Variants in EEF1AKMT1 observed in about 807,000 individuals in gnomAD.
EEF1AKMT1 encodes the protein EEF1A lysine methyltransferase 1.
EEF1AKMT1 carries 18 observed loss-of-function variants against 21.0 expected under a neutral mutation model. The observed-to-expected ratio is 0.86, with a 90% CI of 0.59 to 1.27. The LOEUF (loss-of-function observed/expected upper bound fraction) is 1.27. Among genes scored for constraint, EEF1AKMT1 ranks in the 50% most tolerant of loss-of-function variants. The pLI, the probability that EEF1AKMT1 is intolerant of heterozygous loss-of-function variation, is 0.00. For synonymous variants in EEF1AKMT1, 109 were observed against 94.8 expected, an observed-to-expected ratio of 1.15 and a Z score of -0.87; for missense variants, 246 against 258.6, an observed-to-expected ratio of 0.95 and a Z score of 0.33.
chr13:20,733,790 T>C (rs576991127), intron 3 of EEF1AKMT1, among the ~76,000 whole-genome samples: 404 of 152,256 alleles, frequency 2.7e-3, no homozygotes, highest in Non-Finnish European at 4.5e-3. Flanking sequence ...TTTGTCACGT[T>C]TGGATTTTTA....
At chr13:20,740,634 T>G (rs1364109815) in intron 2 of EEF1AKMT1, among the ~76,000 whole-genome samples, 1 of 152,164 alleles carries the variant, frequency 6.6e-6, no homozygotes, top group Non-Finnish European at 1.5e-5. Flanking sequence ...AGACCCTGCT[T>G]CTACTAAAAA....
intron 4 of EEF1AKMT1, among the ~76,000 whole-genome samples, chr13:20,731,311 T>C (rs1031018573): frequency 1.3e-5 from 2 of 152,190 alleles, no homozygotes; most frequent in African/African-American, 4.8e-5. Flanking sequence ...CTGCCTTAAG[T>C]GTATCAAACC....
chr13:20,736,733 CTTTTTTTTTTT>C (rs71087090), intron 3 of EEF1AKMT1, among the ~76,000 whole-genome samples: 1 of 87,070 alleles, frequency 1.1e-5, no homozygotes, highest in Admixed American at 1.6e-4. Context: ...AACCATTTGA[CTTTTTTTTTTT>C]TTTTTTTTTT....
chr13:20,771,209 C>T (rs1036453861), intron 1 of EEF1AKMT1, among the ~76,000 whole-genome samples: 5 of 152,128 alleles, frequency 3.3e-5, no homozygotes, highest in Admixed American at 6.5e-5. Context: ...AGCTGCGTCA[C>T]TGAAGAAGGG....
At chr13:20,757,364 G>T in intron 2 of EEF1AKMT1, 91 bp downstream of exon 2, 1 of 1,450,004 alleles carries the variant, frequency 6.9e-7, no homozygotes, top group South Asian at 1.3e-5. Flanking sequence ...CAGAGATTCC[G>T]GTTTTAGGTG....
At chr13:20,756,986 C>T (rs1396412450) in intron 2 of EEF1AKMT1, among the ~76,000 whole-genome samples, 3 of 152,112 alleles carry the variant, frequency 2.0e-5, no homozygotes, top group African/African-American at 7.2e-5. Flanking sequence ...ACATTCTTCC[C>T]CACCCTCTTC....
Position 20,731,897 on chromosome 13 carries a change from C to T in EEF1AKMT1, c.452G>A (p.Arg151Lys). 3 of 1,614,214 alleles carry T rather than the reference C, an allele frequency of 1.9e-6. No individual in the cohort carries two copies. The highest frequency in any genetic ancestry group is 1.7e-6 in the Non-Finnish European group (2 of 1,180,042). ...DPPYLSEECL[R>K]KTSETVKYLT... is the part of the protein sequence containing the mutation. ...GTACTTGACGGTTTCCGATGTTTTT[C>T]TGAGACATTCCTCCGAAAGATAGGG... is the stretch of plus-strand genomic sequence containing the variant. The change falls in exon 4 of 5, where the codon AGA (arginine) becomes AAA (lysine). Residue 151 changes from arginine to lysine, a missense_variant. Arg to Lys is a conservative substitution (Grantham distance 26). Coordinates refer to ENST00000382758, the MANE Select transcript of EEF1AKMT1 (RefSeq NM_001318939.2).
intron 2 of EEF1AKMT1, chr13:20,757,151 C>T (rs1382053551): frequency 1.9e-5 from 4 of 208,348 alleles, no homozygotes; most frequent in South Asian, 1.5e-4. Flanking sequence ...TGAGGGTCCC[C>T]GGCTTGCAAA....
chr13:20,731,916 G>C lies in EEF1AKMT1; in HGVS notation c.433C>G (p.Leu145Val), dbSNP rs1321619595. Residue 145 changes from leucine (L) to valine (V), a missense_variant, in exon 4 of 5, where the codon CTT (leucine) becomes GTT (valine). Leu to Val is a conservative substitution (Grantham distance 32, BLOSUM62 1). Coordinates refer to ENST00000382758, the MANE Select transcript of EEF1AKMT1 (RefSeq NM_001318939.2). ...FDIVIADPPY[L>V]SEECLRKTSE... is the part of the protein sequence containing the mutation. ...GTTTTTCTGAGACATTCCTCCGAAA[G>C]ATAGGGAGGATCTGCTATTACGATG... 1.9e-6 allele frequency: 3 copies of C among 1,614,200 alleles called. No individual in the cohort carries two copies. The highest frequency in any genetic ancestry group is 1.7e-6 in the Non-Finnish European group (2 of 1,180,010).
intron 3 of EEF1AKMT1, among the ~76,000 whole-genome samples, chr13:20,735,640 C>T (rs1246162521): frequency 1.3e-5 from 2 of 152,166 alleles, no homozygotes; most frequent in African/African-American, 2.4e-5. Flanking sequence ...CTGTAGAGAT[C>T]AAAGCAGATG....
chr13:20,739,395 C>A (rs556294741), intron 2 of EEF1AKMT1, among the ~76,000 whole-genome samples: 11 of 152,190 alleles, frequency 7.2e-5, no homozygotes, highest in Non-Finnish European at 1.5e-4. Context: ...CCTTATCTGA[C>A]CCCACCCACA....
rs1555326495 is a variant in EEF1AKMT1, at chr13:20,748,715, G to GGTTTTTTTTTTT, written c.144+8739_144+8740insAAAAAAAAAAAC. 4.8e-4 allele frequency among the ~76,000 whole-genome samples: 51 copies of GGTTTTTTTTTTT among 105,824 alleles called. 2 individuals carry two copies. The highest frequency in any genetic ancestry group is 1.2e-3 in the African/African-American group (33 of 27,170). 69.4% of individuals were successfully genotyped at this position (105,824 alleles called of 152,430 possible). A position where few individuals can be genotyped will look rare whatever the true frequency, so the allele number is the denominator to read the frequency against. Reference sequence around the variant, plus strand: ...TTCTTCACCCTCCTAATGTATAGTTGTTTTTTTTTGGTTTTTTTTTTTTTT... The same window carrying GGTTTTTTTTTTT: ...TTCTTCACCCTCCTAATGTATAGTTGGTTTTTTTTTTTTTTTTTTTTGGTTTTTTTTTTTTTT... On this transcript the variant is annotated intron_variant, in intron 2 of 4. Coordinates refer to ENST00000382758, the MANE Select transcript of EEF1AKMT1 (RefSeq NM_001318939.2).
intron 2 of EEF1AKMT1, among the ~76,000 whole-genome samples, chr13:20,743,082 A>G (rs1411571056): frequency 2.0e-5 from 3 of 151,886 alleles, no homozygotes; most frequent in Non-Finnish European, 4.4e-5. Flanking sequence ...ATTTACTTTT[A>G]TTGAGACAGA....
chr13:20,754,330 T>C (rs1446624514), intron 2 of EEF1AKMT1, among the ~76,000 whole-genome samples: 2 of 152,014 alleles, frequency 1.3e-5, no homozygotes, highest in Admixed American at 1.3e-4. Flanking sequence ...GCATGTAAGA[T>C]TTCTGCTGAG....
intron 2 of EEF1AKMT1, among the ~76,000 whole-genome samples, chr13:20,744,450 T>C: frequency 6.6e-6 from 1 of 152,258 alleles, no homozygotes; most frequent in Non-Finnish European, 1.5e-5. Flanking sequence ...TGAGCTTTTG[T>C]TCATATGTTT....
chr13:20,734,686 C>T (rs890387559), intron 3 of EEF1AKMT1, among the ~76,000 whole-genome samples: 4 of 151,876 alleles, frequency 2.6e-5, no homozygotes, highest in Non-Finnish European at 5.9e-5. Flanking sequence ...CTCCGCCTCC[C>T]GGGTTCACGC....
chr13:20,754,907 A>T (rs1239596515), intron 2 of EEF1AKMT1, among the ~76,000 whole-genome samples: 14 of 5,998 alleles, frequency 2.3e-3, no homozygotes, highest in Admixed American at 7.7e-3. Flanking sequence ...AAGAAAATTA[A>T]AAAAAAAAAT....
chr13:20,754,174 T>C (rs2058958511), intron 2 of EEF1AKMT1, among the ~76,000 whole-genome samples: 1 of 152,208 alleles, frequency 6.6e-6, no homozygotes, highest in African/African-American at 2.4e-5. Flanking sequence ...AGGTGATGAA[T>C]TTCCTCAGCT....
intron 1 of EEF1AKMT1, among the ~76,000 whole-genome samples, chr13:20,759,608 C>CAA (rs150431189): frequency 7.7e-6 from 1 of 129,146 alleles, no homozygotes; most frequent in East Asian, 2.2e-4. Flanking sequence ...AAAAACGAAA[C>CAA]AAAAAAAAAA....
Sources: gnomAD v4.1 joint callset for allele counts (sites outside exome capture counted in the v4.1 genomes callset) on GRCh38, gnomAD v4.1.1 for gene constraint, MANE v1.5 for transcripts, NCBI Gene and HGNC (gene_info 2026-07-23, HGNC 2026-07-21) for gene names.